Variants in INPP4B observed in about 807,000 individuals in gnomAD.
INPP4B encodes inositol polyphosphate 4-phosphatase type II.
A neutral mutation model predicts 122.5 loss-of-function variants in INPP4B; 55 were observed. That is an observed-to-expected ratio of 0.45 (90% CI 0.36 to 0.56). INPP4B has a LOEUF of 0.56. Among genes scored for constraint, INPP4B ranks in the 20% least tolerant of loss-of-function variants. The pLI is 0.00. For synonymous variants in INPP4B, 403 were observed against 388.7 expected (o/e 1.04, Z -0.43); for missense variants, 1,000 against 1,097.7 (o/e 0.91, Z 1.26).
intron 12 of INPP4B, among the ~76,000 whole-genome samples, chr4:142,236,326 T>C (rs1283435098): frequency 6.6e-6 from 1 of 152,210 alleles, no homozygotes; most frequent in Non-Finnish European, 1.5e-5. Context: ...ATACATAAGC[T>C]TGCTTTATCC....
chr4:142,653,574 C>T (rs1177172226), intron 2 of INPP4B, among the ~76,000 whole-genome samples: 1 of 152,136 alleles, frequency 6.6e-6, no homozygotes, highest in Non-Finnish European at 1.5e-5. Context: ...TGAACAGACA[C>T]TTCATAAAAG....
At chr4:142,418,791 T>C (rs961833331) in intron 5 of INPP4B, among the ~76,000 whole-genome samples, 11 of 152,144 alleles carry the variant, frequency 7.2e-5, no homozygotes, top group African/African-American at 2.7e-4. Flanking sequence ...ATTGAAGCCA[T>C]TGGAAGATCT....
intron 7 of INPP4B, among the ~76,000 whole-genome samples, chr4:142,388,712 A>G (rs1185064228): frequency 2.6e-5 from 4 of 152,200 alleles, no homozygotes; most frequent in Admixed American, 6.5e-5. Flanking sequence ...GGTAGAAAAT[A>G]TACTTTTAGG....
At chr4:142,657,887 G>A (rs1754452923) in intron 2 of INPP4B, among the ~76,000 whole-genome samples, 1 of 152,164 alleles carries the variant, frequency 6.6e-6, no homozygotes, top group African/African-American at 2.4e-5. Context: ...TTTCAAAATT[G>A]TCTTTTTTGA....
intron 2 of INPP4B, among the ~76,000 whole-genome samples, chr4:142,587,551 G>A (rs1466135839): frequency 6.6e-6 from 1 of 152,034 alleles, no homozygotes; most frequent in African/African-American, 2.4e-5. Context: ...AAAAATTTTT[G>A]TGAGTAAATA....
intron 5 of INPP4B, among the ~76,000 whole-genome samples, chr4:142,428,269 A>G (rs964916921): frequency 4.6e-5 from 7 of 151,280 alleles, no homozygotes; most frequent in African/African-American, 1.7e-4. Context: ...ATTTGCTCCC[A>G]AAACTTTAGA....
chr4:142,580,768 C>G (rs772217427), intron 2 of INPP4B, among the ~76,000 whole-genome samples: 1 of 152,056 alleles, frequency 6.6e-6, no homozygotes, highest in Non-Finnish European at 1.5e-5. Context: ...TTAAACCTGA[C>G]AGAGGGAGAT....
chr4:142,687,107 A>G lies in INPP4B; in HGVS notation c.-191+38732T>C, dbSNP rs572795720. 1.4e-3 allele frequency among the ~76,000 whole-genome samples: 220 copies of G among 152,106 alleles called. 1 individual carries two copies. Among genetic ancestry groups the G allele is most frequent in the African/African-American group, 5.2e-3 (215 of 41,516 alleles). ...ACAAGATGGGGGACTTTTTTATTGG[A>G]AGCTATGTGGATGCTAAGAGTTACT... On this transcript the variant is annotated intron_variant, in intron 2 of 25. Transcript: ENST00000262992.
chr4:142,071,222 A>C (rs1326035935), intron 25 of INPP4B, among the ~76,000 whole-genome samples: 1 of 152,240 alleles, frequency 6.6e-6, no homozygotes, highest in Non-Finnish European at 1.5e-5. Context: ...CCTGACAAAA[A>C]CAAGAAATAG....
chr4:142,582,403 G>A (rs1051438041), intron 2 of INPP4B, among the ~76,000 whole-genome samples: 1 of 152,058 alleles, frequency 6.6e-6, no homozygotes, highest in Non-Finnish European at 1.5e-5. Context: ...GTTCAAGTGG[G>A]TGGTAAAAAC....
At chr4:142,051,992 C>T (rs1401486110) in intron 25 of INPP4B, among the ~76,000 whole-genome samples, 3 of 151,858 alleles carry the variant, frequency 2.0e-5, no homozygotes, top group African/African-American at 7.3e-5. Context: ...GTAATAACAC[C>T]GTTCTCATCT....
At chr4:142,655,355 G>T (rs1395967997) in intron 2 of INPP4B, among the ~76,000 whole-genome samples, 1 of 152,088 alleles carries the variant, frequency 6.6e-6, no homozygotes, top group Non-Finnish European at 1.5e-5. Context: ...TCCATCTTCA[G>T]TGAGTCCTCT....
intron 2 of INPP4B, among the ~76,000 whole-genome samples, chr4:142,605,181 G>A (rs1014025508): frequency 3.3e-5 from 5 of 151,952 alleles, no homozygotes; most frequent in African/African-American, 7.2e-5. Flanking sequence ...ATCAATAAAC[G>A]GTGCTGGGAA....
intron 25 of INPP4B, among the ~76,000 whole-genome samples, chr4:142,072,363 C>A (rs1045578675): frequency 6.6e-6 from 1 of 151,876 alleles, no homozygotes; most frequent in African/African-American, 2.4e-5. Context: ...GGAGGGATAG[C>A]CTTAGGAGAT....
chr4:142,494,757 T>A (rs180992213), intron 2 of INPP4B, among the ~76,000 whole-genome samples: 193 of 152,318 alleles, frequency 1.3e-3, no homozygotes, highest in Non-Finnish European at 2.1e-3. Flanking sequence ...AAAAATTTTA[T>A]TGTTAGTCCC....
chr4:142,094,033 TA>T (rs1375719412), intron 23 of INPP4B, among the ~76,000 whole-genome samples: 1 of 152,340 alleles, frequency 6.6e-6, no homozygotes, highest in East Asian at 1.9e-4. Context: ...GACGATAACA[TA>T]TTTTTTTCCT....
rs1379425464 is a variant in INPP4B, at chr4:142,023,482, T to A, written c.*5300A>T. 2 of 152,110 alleles carry A rather than the reference T, an allele frequency of 1.3e-5. No homozygotes were observed. The highest frequency in any genetic ancestry group is 3.8e-4 in the East Asian group (2 of 5,196). The allele number at this position is 152,110 out of a possible 1,614,324, so 9.4% of individuals were successfully genotyped here. ...TTGTATGTATGCAGTGAAATGAGAG[T>A]GCCCATACAGTTATATGCAAACTTT... On this transcript the variant is annotated 3_prime_UTR_variant, in exon 26 of 26. Transcript: ENST00000262992.
rs1332979364 is a variant in INPP4B, at chr4:142,037,172, T to C, written c.2643-8258A>G. Among the ~76,000 whole-genome samples the C allele has an allele frequency of 3.9e-5, 6 of 152,306 alleles. No individual in the cohort carries two copies. The East Asian group carries it at 9.7e-4, about 25-fold the overall frequency. On this transcript the variant is annotated intron_variant, in intron 25 of 25. Coordinates refer to ENST00000262992, the MANE Select transcript of INPP4B (RefSeq NM_001101669.3). ...TCTGCAGGATAGAAAATGATCTTTT[T>C]TATTTATTTATTTAAGACCCGTCAA...
chr4:142,214,554 ATTCTTTT>A (rs912552032), intron 12 of INPP4B, among the ~76,000 whole-genome samples: 3 of 152,166 alleles, frequency 2.0e-5, no homozygotes, highest in Admixed American at 2.0e-4. Context: ...AAGCACGTCA[ATTCTTTT>A]TTCTTTTTTG....
Sources: allele counts gnomAD v4.1 joint callset (sites outside exome capture counted in the v4.1 genomes callset), GRCh38; gene constraint gnomAD v4.1.1; transcripts MANE v1.5; gene names NCBI Gene and HGNC (gene_info 2026-07-23, HGNC 2026-07-21).